The following SUGCT variants were observed in gnomAD, a reference collection of about 807,000 sequenced individuals.
SUGCT encodes succinyl-CoA:glutarate CoA-transferase.
SUGCT carries 41 observed loss-of-function variants against 55.0 expected under a neutral mutation model. The ratio of observed to expected loss-of-function variants is 0.74; its 90% CI spans 0.58 to 0.97. The LOEUF (loss-of-function observed/expected upper bound fraction) is 0.97. Among genes scored for constraint, SUGCT ranks in the 50% least tolerant of loss-of-function variants. SUGCT has a pLI of 0.00. For missense variants in SUGCT, 568 were observed against 547.8 expected (o/e 1.04, Z -0.37); for synonymous variants, 187 against 200.4 (o/e 0.93, Z 0.56).
chr7:40,996,030 T>C, the SUGCT span, among the ~76,000 whole-genome samples: 1 of 152,194 alleles, frequency 6.6e-6, no homozygotes, highest in Non-Finnish European at 1.5e-5. Context: ...AGGAAACATG[T>C]TTCTCCAGTG....
At chr7:40,295,336 G>A (rs1794059221) in intron 8 of SUGCT, among the ~76,000 whole-genome samples, 1 of 152,224 alleles carries the variant, frequency 6.6e-6, no homozygotes, top group African/African-American at 2.4e-5. Context: ...AACACTTTGG[G>A]AGGTCAAGGC....
chr7:40,662,192 A>C (rs1234579972), intron 12 of SUGCT, among the ~76,000 whole-genome samples: 1 of 152,156 alleles, frequency 6.6e-6, no homozygotes, highest in Non-Finnish European at 1.5e-5. Context: ...TCCATTGACA[A>C]GTCCTGTTGG....
At chr7:40,137,927 C>T (rs1787782423) in intron 1 of SUGCT, among the ~76,000 whole-genome samples, 1 of 152,160 alleles carries the variant, frequency 6.6e-6, no homozygotes, top group African/African-American at 2.4e-5. Flanking sequence ...CAGAATCCAG[C>T]CACCTGGGCC....
chr7:40,844,025 G>A (rs1205657526), intron 13 of SUGCT, among the ~76,000 whole-genome samples: 3 of 152,054 alleles, frequency 2.0e-5, no homozygotes, highest in Non-Finnish European at 4.4e-5. Context: ...AGTGGGTGCA[G>A]GAACCAGGGC....
chr7:40,195,222 C>CTTTTTTTTTTTTTTT (rs11326653), intron 6 of SUGCT, among the ~76,000 whole-genome samples, 162 bp downstream of exon 6: 29 of 101,272 alleles, frequency 2.9e-4, no homozygotes, highest in East Asian at 5.6e-4. Context: ...TTTCTTTTTT[C>CTTTTTTTTTTTTTTT]TTTTTTTTTT....
chr7:40,229,328 G>C (rs1421636305), intron 6 of SUGCT, among the ~76,000 whole-genome samples: 1 of 152,174 alleles, frequency 6.6e-6, no homozygotes, highest in Non-Finnish European at 1.5e-5. Context: ...AGACCAGCCT[G>C]GCCAACATGG....
At chr7:40,507,933 A>G (rs1792698643) in intron 12 of SUGCT, among the ~76,000 whole-genome samples, 1 of 152,092 alleles carries the variant, frequency 6.6e-6, no homozygotes, top group African/African-American at 2.4e-5. Context: ...TTTTGCTAGT[A>G]TCATGAAGCT....
chr7:40,559,635 T>G (rs545689913), intron 12 of SUGCT, among the ~76,000 whole-genome samples: 1 of 152,368 alleles, frequency 6.6e-6, no homozygotes, highest in East Asian at 1.9e-4. Context: ...TAACATTTAC[T>G]CTGACACACT....
chr7:40,303,334 A>T (rs1794651902), intron 8 of SUGCT, among the ~76,000 whole-genome samples: 1 of 152,046 alleles, frequency 6.6e-6, no homozygotes, highest in African/African-American at 2.4e-5. Flanking sequence ...TCGCCCGGCC[A>T]AGAAAGCTGT....
At chr7:40,542,357 G>A (rs557270973) in intron 12 of SUGCT, among the ~76,000 whole-genome samples, 3 of 152,076 alleles carry the variant, frequency 2.0e-5, no homozygotes, top group Admixed American at 6.6e-5. Flanking sequence ...AGGAACAGCC[G>A]GGTATAGCTC....
At chr7:40,602,095 T>C (rs1344077671) in intron 12 of SUGCT, among the ~76,000 whole-genome samples, 2 of 152,222 alleles carry the variant, frequency 1.3e-5, no homozygotes, top group Non-Finnish European at 2.9e-5. Flanking sequence ...CCCAACTCTG[T>C]TGAGTGAAAT....
At chr7:40,735,219 A>T (rs189899690) in intron 12 of SUGCT, among the ~76,000 whole-genome samples, 4 of 152,330 alleles carry the variant, frequency 2.6e-5, no homozygotes, top group African/African-American at 9.6e-5. Flanking sequence ...GCCAAGAAGG[A>T]TAGAATTAAA....
intron 9 of SUGCT, among the ~76,000 whole-genome samples, chr7:40,423,398 T>G (rs995789361): frequency 3.3e-5 from 5 of 152,134 alleles, no homozygotes; most frequent in African/African-American, 9.7e-5. Flanking sequence ...TGTGACTAAA[T>G]TTATTTGGCA....
chr7:40,664,896 C>T (rs930195320), intron 12 of SUGCT, among the ~76,000 whole-genome samples: 5 of 150,306 alleles, frequency 3.3e-5, no homozygotes, highest in East Asian at 2.0e-4. Context: ...AGGAGAATGG[C>T]GTGAACCCGG....
the SUGCT span, among the ~76,000 whole-genome samples, chr7:41,015,563 T>C: frequency 6.6e-6 from 1 of 152,206 alleles, no homozygotes. Flanking sequence ...CAGATGATTC[T>C]TCATATTACC....
chr7:40,944,115 T>G, the SUGCT span, among the ~76,000 whole-genome samples: 44 of 152,194 alleles, frequency 2.9e-4, no homozygotes, highest in Admixed American at 6.6e-4. Context: ...TTGTGCACTT[T>G]TTGATGGGGT....
intron 13 of SUGCT, among the ~76,000 whole-genome samples, chr7:40,785,944 A>C (rs868266526): frequency 3.9e-5 from 6 of 152,124 alleles, no homozygotes; most frequent in Admixed American, 6.5e-5. Context: ...AATTAAAAAA[A>C]TTTAATTAGC....
intron 9 of SUGCT, among the ~76,000 whole-genome samples, chr7:40,418,638 G>GAGTC (rs1481232877): frequency 6.6e-6 from 1 of 152,148 alleles, no homozygotes. Context: ...CAACAAGAGG[G>GAGTC]AGTCATGTGA....
chr7:40,197,317 G>A (rs1342303804), intron 6 of SUGCT, among the ~76,000 whole-genome samples: 1 of 152,164 alleles, frequency 6.6e-6, no homozygotes, highest in Non-Finnish European at 1.5e-5. Flanking sequence ...TCAGAATCTT[G>A]TAATCTAATG....
Sources: allele counts gnomAD v4.1 joint callset (sites outside exome capture counted in the v4.1 genomes callset), GRCh38; gene constraint gnomAD v4.1.1; transcripts MANE v1.5; gene names NCBI Gene and HGNC (gene_info 2026-07-23, HGNC 2026-07-21).